Variants in ITGA6 observed in about 807,000 individuals in gnomAD.
The protein encoded by ITGA6 is integrin subunit alpha 6.
In ITGA6, 63 loss-of-function variants were observed where a neutral mutation model predicts 133.6. The observed-to-expected ratio is 0.47, with a 90% CI of 0.38 to 0.58. ITGA6 has a LOEUF of 0.58. ITGA6 is among the 20% of genes least tolerant of loss of function. The pLI is 0.00. For synonymous variants in ITGA6, 434 were observed against 482.0 expected (o/e 0.90, Z 1.30); for missense variants, 1,068 against 1,309.4 (o/e 0.82, Z 2.85).
rs1157324769 is a variant in ITGA6 at position 172,490,901 on chromosome 2, G to C, written c.2680-123G>C. On this transcript the variant is annotated intron_variant, in intron 20 of 25. Transcript: ENST00000684293. The stretch of plus-strand genomic sequence containing the variant: ...ACTTACTTCTGTGCCTTTGGCAGGA[G>C]AGAGGCAAATATTGTTGATTATGTG... The C allele has an allele frequency of 5.6e-6, 4 of 715,830 alleles. No individual in the cohort carries two copies. The African/African-American group carries it at 7.1e-5, about 13-fold the overall frequency. The allele number at this position is 715,830 out of a possible 1,614,324, so 44.3% of individuals were successfully genotyped here.
chr2:172,452,166 T>TC (rs1231957649), intron 1 of ITGA6, among the ~76,000 whole-genome samples: 1 of 152,130 alleles, frequency 6.6e-6, no homozygotes, highest in Non-Finnish European at 1.5e-5. Context: ...TTCCAGTTCT[T>TC]TATAGGTGGT....
chr2:172,492,273 G>T (rs1189609297), intron 23 of ITGA6, among the ~76,000 whole-genome samples: 1 of 152,206 alleles, frequency 6.6e-6, no homozygotes, highest in Non-Finnish European at 1.5e-5. Context: ...TGAGCAGCAT[G>T]TTTGAATTTC....
At chr2:172,433,344 A>C (rs1428529013) in intron 1 of ITGA6, among the ~76,000 whole-genome samples, 6 of 152,238 alleles carry the variant, frequency 3.9e-5, no homozygotes. Context: ...CTGTTCTTAA[A>C]GTCTTCTTCG....
At chr2:172,480,896 A>G (rs1296427164) in intron 11 of ITGA6, 2 of 152,200 alleles carry the variant, frequency 1.3e-5, no homozygotes, top group African/African-American at 4.8e-5. Flanking sequence ...ACTCTTAACA[A>G]TAGTGGCCGT....
chr2:172,487,250 C>T lies in ITGA6; in HGVS notation c.1971-14C>T. 6.2e-7 allele frequency: 1 copy of T among 1,607,364 alleles called. No homozygotes were observed. ...GACTTTGCCTTTTTGTTCTTGTTTTCTTATTTTTAATAGTCAAAAAGGTGT... is the reference window on the plus strand; with the variant it reads ...GACTTTGCCTTTTTGTTCTTGTTTTTTTATTTTTAATAGTCAAAAAGGTGT... On this transcript the variant is annotated splice_polypyrimidine_tract_variant and intron_variant, in intron 14 of 25. Transcript: ENST00000684293.
intron 1 of ITGA6, 147 bp from the exon 2 acceptor site, chr2:172,465,392 C>T: frequency 1.1e-6 from 1 of 950,720 alleles, no homozygotes; most frequent in South Asian, 1.3e-5. Flanking sequence ...TAGGACTCTA[C>T]ATTTGTTCTC....
At position 172,491,307 on chromosome 2, in the gene ITGA6, G is replaced by T; in HGVS notation, c.2865G>T (p.Arg955Ser). 1 of 1,611,152 alleles carries T rather than the reference G, an allele frequency of 6.2e-7. No individual in the cohort carries two copies. The highest frequency in any genetic ancestry group is 8.5e-7 in the Non-Finnish European group (1 of 1,177,244). The part of the protein sequence containing the change: ...DSKASLILRS[R>S]LWNSTFLEEY... The stretch of plus-strand genomic sequence containing the variant: ...AGGCGTCTCTTATTTTGCGCTCGAG[G>T]TTATGGAACAGCACATTTCTAGAGG... Residue 955 changes from arginine to serine, a missense_variant, in exon 22 of 26, where the codon AGG becomes AGT. Coordinates refer to ENST00000684293, the MANE Select transcript of ITGA6 (RefSeq NM_000210.4). The surrounding 1 kb of genome is among the most constrained non-coding windows in gnomAD (Gnocchi z 4.4).
chr2:172,502,631 T>C (rs535987654), intron 25 of ITGA6, among the ~76,000 whole-genome samples: 1 of 152,326 alleles, frequency 6.6e-6, no homozygotes, highest in East Asian at 1.9e-4. Context: ...GTACAAAAAA[T>C]ACCCTGAACA....
Position 172,479,682 on chromosome 2 carries a change from C to G in ITGA6, c.1430C>G (p.Thr477Ser). The change falls in exon 10 of 26, where the codon ACT becomes AGT. Residue 477 changes from threonine (T) to serine (S), a missense_variant. Coordinates refer to ENST00000684293, the MANE Select transcript of ITGA6 (RefSeq NM_000210.4). The stretch of plus-strand genomic sequence containing the variant: ...AATATTCAGAAAACCATCACAGTAA[C>G]TCCTAACAGAATTGACCTCCGCCAG... ...VINIQKTITVTPNRIDLRQKT... is the reference protein window; with the variant it reads ...VINIQKTITVSPNRIDLRQKT... The G allele has an allele frequency of 1.2e-6, 2 of 1,614,002 alleles. No homozygotes were observed. The highest frequency in any genetic ancestry group is 1.7e-6 in the Non-Finnish European group (2 of 1,179,994).
intron 11 of ITGA6, among the ~76,000 whole-genome samples, chr2:172,483,358 T>G (rs1215481011): frequency 1.3e-5 from 2 of 152,166 alleles, no homozygotes; most frequent in Non-Finnish European, 2.9e-5. Flanking sequence ...TCTGTCCCTC[T>G]CAGTATGACC....
chr2:172,445,333 CTTTTCT>C (rs1559119146), intron 1 of ITGA6, among the ~76,000 whole-genome samples: 2 of 117,020 alleles, frequency 1.7e-5, no homozygotes, highest in East Asian at 5.7e-4. Context: ...TTGTCTTTTT[CTTTTCT>C]TTTTTTTTTT....
chr2:172,435,868 A>G (rs548832778), intron 1 of ITGA6, among the ~76,000 whole-genome samples: 59 of 152,078 alleles, frequency 3.9e-4, no homozygotes, highest in African/African-American at 1.3e-3. Flanking sequence ...GATTCAGGCA[A>G]TCAGCCTGGC....
At chr2:172,485,088 C>G (rs1490202013) in intron 12 of ITGA6, 33 bp from the exon 13 acceptor site, 1 of 1,611,396 alleles carries the variant, frequency 6.2e-7, no homozygotes, top group East Asian at 2.2e-5. Flanking sequence ...CATGTACACC[C>G]CACTTAACTC....
chr2:172,439,520 T>C (rs944921245), intron 1 of ITGA6, among the ~76,000 whole-genome samples: 2 of 151,898 alleles, frequency 1.3e-5, no homozygotes, highest in Non-Finnish European at 2.9e-5. Context: ...AAATCAGATA[T>C]GAAACATCTT....
chr2:172,429,827 G>A lies in ITGA6; in HGVS notation c.182+1857G>A, dbSNP rs1013141842. Among the ~76,000 whole-genome samples, 4 of 152,306 alleles carry A rather than the reference G, an allele frequency of 2.6e-5. No homozygotes were observed. In the East Asian group the frequency reaches 7.7e-4, roughly 29 times the overall value. On this transcript the variant is annotated intron_variant, in intron 1 of 25. Transcript: ENST00000684293. ...AGTGACCACACTTTAAAGAGGCTGT[G>A]GTTTATGTCACGTGCTGCCCACCTC...
intron 1 of ITGA6, among the ~76,000 whole-genome samples, chr2:172,447,692 T>A (rs764908214): frequency 6.6e-6 from 1 of 152,220 alleles, no homozygotes; most frequent in African/African-American, 2.4e-5. Context: ...AAGCAAGTGT[T>A]GGTGGACCAA....
At chr2:172,447,000 C>A (rs762403229) in intron 1 of ITGA6, among the ~76,000 whole-genome samples, 1 of 151,986 alleles carries the variant, frequency 6.6e-6, no homozygotes, top group Non-Finnish European at 1.5e-5. Context: ...CAGGTCCAAG[C>A]GATTCTTGTG....
At chr2:172,432,765 A>G (rs1199461777) in intron 1 of ITGA6, among the ~76,000 whole-genome samples, 1 of 152,174 alleles carries the variant, frequency 6.6e-6, no homozygotes, top group Non-Finnish European at 1.5e-5. Context: ...AGGCTGACCT[A>G]CACTGCAGTG....
Position 172,475,700 on chromosome 2 carries a change from G to T in ITGA6, c.1269+15G>T. ...AACCAACACAGGTAACCAAATAACC[G>T]GGATTTCTACAGCTAGAGTCTCAAC... On this transcript the variant is annotated intron_variant, in intron 8 of 25. Coordinates refer to ENST00000684293, the MANE Select transcript of ITGA6 (RefSeq NM_000210.4). 10 of 1,430,136 alleles carry T rather than the reference G, an allele frequency of 7.0e-6. No individual in the cohort carries two copies. The highest frequency in any genetic ancestry group is 9.9e-6 in the Non-Finnish European group (10 of 1,012,226). 88.6% of individuals were successfully genotyped at this position (1,430,136 alleles called of 1,614,324 possible). A position where few individuals can be genotyped will look rare whatever the true frequency, so the allele number is the denominator to read the frequency against.
Sources: allele counts gnomAD v4.1 joint callset (sites outside exome capture counted in the v4.1 genomes callset), GRCh38; gene constraint gnomAD v4.1.1; non-coding constraint Gnocchi (gnomAD v3.1); transcripts MANE v1.5; gene names NCBI Gene and HGNC (gene_info 2026-07-23, HGNC 2026-07-21).